Variants in TEAD1 observed in about 807,000 individuals in gnomAD.
TEAD1 encodes transcriptional enhancer factor TEF-1.
A neutral mutation model predicts 54.9 loss-of-function variants in TEAD1; 9 were observed. The observed-to-expected ratio is 0.16, with a 90% CI of 0.10 to 0.29. The LOEUF is 0.29. TEAD1 is among the 10% of genes least tolerant of loss of function. The pLI is 1.00. For synonymous variants in TEAD1, 200 were observed against 187.8 expected (o/e 1.07, Z -0.53); for missense variants, 387 against 535.9 (o/e 0.72, Z 2.74).
chr11:12,927,578 A>G (rs1395345293), intron 11 of TEAD1, among the ~76,000 whole-genome samples: 1 of 152,226 alleles, frequency 6.6e-6, no homozygotes, highest in African/African-American at 2.4e-5. Context: ...AAGAAAAACA[A>G]AAACCTTGTT....
Position 12,796,261 on chromosome 11 carries a change from A to G in TEAD1, c.202+31827A>G, listed in dbSNP as rs557687392. The stretch of plus-strand genomic sequence containing the variant: ...TGGGAGAACATGAAAGGTGGTGTGG[A>G]GATAGCATATAGTGGGCAGTCAGTG... On this transcript the variant is annotated intron_variant, in intron 3 of 12. Coordinates refer to ENST00000527636, the MANE Select transcript of TEAD1 (RefSeq NM_021961.6). Among the ~76,000 whole-genome samples the G allele has an allele frequency of 6.6e-4, 101 of 152,318 alleles. 3 individuals are homozygous for G. Among genetic ancestry groups the G allele is most frequent in the African/African-American group, 2.3e-3 (97 of 41,576 alleles).
intron 3 of TEAD1, among the ~76,000 whole-genome samples, chr11:12,857,994 A>T (rs1294828427): frequency 6.6e-6 from 1 of 152,186 alleles, no homozygotes; most frequent in Non-Finnish European, 1.5e-5. Flanking sequence ...GTCCCGTGCT[A>T]CTTGGAGAGC....
intron 2 of TEAD1, among the ~76,000 whole-genome samples, chr11:12,700,290 G>C (rs1476559004): frequency 6.6e-6 from 1 of 151,830 alleles, no homozygotes; most frequent in Admixed American, 6.6e-5. Flanking sequence ...TAACAACTTT[G>C]GACTTTTTCT....
intron 2 of TEAD1, among the ~76,000 whole-genome samples, chr11:12,737,364 A>G (rs1944558201): frequency 6.6e-6 from 1 of 151,934 alleles, no homozygotes; most frequent in Non-Finnish European, 1.5e-5. Flanking sequence ...AGGTCCTCAG[A>G]TATCTTTTAC....
At chr11:12,736,453 T>C (rs1944533871) in intron 2 of TEAD1, among the ~76,000 whole-genome samples, 1 of 151,942 alleles carries the variant, frequency 6.6e-6, no homozygotes, top group Non-Finnish European at 1.5e-5. Context: ...TTAGATATTT[T>C]GCTGAATTCA....
Position 12,883,021 on chromosome 11 carries a change from C to T in TEAD1, c.595C>T (p.Pro199Ser). Residue 199 changes from proline to serine, a missense_variant, in exon 9 of 13, where the codon CCA becomes TCA. Coordinates refer to ENST00000527636, the MANE Select transcript of TEAD1 (RefSeq NM_021961.6). ...TTCAGGGTTTGAGCCTGCATCGGCC[C>T]CAGCTCCCTCAGTCCCTGCCTGGCA... is the stretch of plus-strand genomic sequence containing the variant. The T allele has an allele frequency of 1.2e-6, 2 of 1,614,164 alleles. No individual in the cohort carries two copies. Among genetic ancestry groups the T allele is most frequent in the Non-Finnish European group, 1.7e-6 (2 of 1,180,026 alleles).
At chr11:12,897,251 A>G (rs1469569804) in intron 9 of TEAD1, among the ~76,000 whole-genome samples, 1 of 152,186 alleles carries the variant, frequency 6.6e-6, no homozygotes, top group East Asian at 1.9e-4. Context: ...TGGAGAAGAA[A>G]CGAGATTTAT....
intron 5 of TEAD1, among the ~76,000 whole-genome samples, chr11:12,872,090 A>G (rs1027194020): frequency 6.6e-6 from 1 of 152,180 alleles, no homozygotes; most frequent in Non-Finnish European, 1.5e-5. Context: ...ATAGGCAGAG[A>G]GCTTAAAGTT....
At chr11:12,702,467 T>C (rs1299867767) in intron 2 of TEAD1, among the ~76,000 whole-genome samples, 1 of 152,174 alleles carries the variant, frequency 6.6e-6, no homozygotes, top group African/African-American at 2.4e-5. Flanking sequence ...TATTTGAGCC[T>C]CAGGACAATG....
chr11:12,714,841 A>G (rs1018581211), intron 2 of TEAD1, among the ~76,000 whole-genome samples: 1 of 151,962 alleles, frequency 6.6e-6, no homozygotes, highest in South Asian at 2.1e-4. Flanking sequence ...TAGTGTCTCT[A>G]TGTCCCAGTC....
At chr11:12,853,010 A>G (rs1947305861) in intron 3 of TEAD1, among the ~76,000 whole-genome samples, 1 of 152,056 alleles carries the variant, frequency 6.6e-6, no homozygotes. Flanking sequence ...TTTTTGTTTC[A>G]CTTTATAATA....
At chr11:12,680,694 AGT>A (rs893969849) in intron 2 of TEAD1, among the ~76,000 whole-genome samples, 9 of 152,164 alleles carry the variant, frequency 5.9e-5, no homozygotes, top group Non-Finnish European at 1.2e-4. Flanking sequence ...TGTGACATTA[AGT>A]GTGTGTGTGT....
chr11:12,861,188 G>A (rs1425114859), intron 3 of TEAD1, among the ~76,000 whole-genome samples: 1 of 152,224 alleles, frequency 6.6e-6, no homozygotes, highest in Non-Finnish European at 1.5e-5. Flanking sequence ...TGTCTTGTAT[G>A]AGTGGTTTTT....
intron 3 of TEAD1, among the ~76,000 whole-genome samples, chr11:12,814,268 A>G (rs1357096031): frequency 6.6e-6 from 1 of 152,178 alleles, no homozygotes; most frequent in African/African-American, 2.4e-5. Context: ...CTCTGTCCTC[A>G]GTGATGGAGT....
At chr11:12,799,516 G>A (rs1392194664) in intron 3 of TEAD1, among the ~76,000 whole-genome samples, 2 of 152,218 alleles carry the variant, frequency 1.3e-5, no homozygotes, top group East Asian at 1.9e-4. Flanking sequence ...GTGTGTCAGC[G>A]TTTTTAACAC....
At chr11:12,914,356 G>A (rs1948672475) in intron 10 of TEAD1, among the ~76,000 whole-genome samples, 2 of 152,212 alleles carry the variant, frequency 1.3e-5, no homozygotes, top group Admixed American at 6.5e-5. Flanking sequence ...TTAGCGGGAA[G>A]TAACTTGAAG....
chr11:12,912,250 G>C (rs146269378), intron 10 of TEAD1, among the ~76,000 whole-genome samples: 10 of 152,310 alleles, frequency 6.6e-5, no homozygotes, highest in Non-Finnish European at 1.5e-4. Context: ...CTGATTTGCA[G>C]GCTCAGGGTC....
intron 2 of TEAD1, among the ~76,000 whole-genome samples, chr11:12,738,135 C>G (rs1038261114): frequency 6.6e-6 from 1 of 152,118 alleles, no homozygotes; most frequent in Non-Finnish European, 1.5e-5. Flanking sequence ...AGCTACGATT[C>G]AAGATGAGAT....
intron 2 of TEAD1, among the ~76,000 whole-genome samples, chr11:12,719,931 T>G (rs1005264407): frequency 1.5e-5 from 2 of 133,494 alleles, no homozygotes; most frequent in African/African-American, 5.3e-5. Context: ...CAAACCGGCG[T>G]GTGTTTGGAA....
Sources: allele counts gnomAD v4.1 joint callset (sites outside exome capture counted in the v4.1 genomes callset), GRCh38; gene constraint gnomAD v4.1.1; transcripts MANE v1.5; gene names NCBI Gene and HGNC (gene_info 2026-07-23, HGNC 2026-07-21).